Variants in ZNF395 observed in about 807,000 individuals in gnomAD.
ZNF395 encodes the protein zinc finger protein 395.
In ZNF395, 20 loss-of-function variants were observed where a neutral mutation model predicts 57.7. The observed-to-expected ratio is 0.35, with a 90% CI of 0.24 to 0.50. The LOEUF is 0.50. Among genes scored for constraint, ZNF395 ranks in the 20% least tolerant of loss-of-function variants. The pLI is 0.97. For missense variants in ZNF395, 606 were observed against 671.2 expected, an observed-to-expected ratio of 0.90 and a Z score of 1.07; for synonymous variants, 295 against 275.9, an observed-to-expected ratio of 1.07 and a Z score of -0.69.
chr8:28,374,598 G>A (rs528403643), intron 1 of ZNF395, among the ~76,000 whole-genome samples: 2 of 152,250 alleles, frequency 1.3e-5, no homozygotes, highest in South Asian at 4.1e-4. Context: ...GCACATCTGC[G>A]TTTCCAGTCA....
At chr8:28,376,878 C>T (rs927301573) in intron 1 of ZNF395, among the ~76,000 whole-genome samples, 1 of 152,180 alleles carries the variant, frequency 6.6e-6, no homozygotes, top group African/African-American at 2.4e-5. Flanking sequence ...CAGCGCACCC[C>T]AAAATTGCTT....
intron 1 of ZNF395, among the ~76,000 whole-genome samples, chr8:28,378,824 T>C (rs972624713): frequency 6.6e-6 from 1 of 152,236 alleles, no homozygotes; most frequent in Admixed American, 6.5e-5. Context: ...CCTACTTGAA[T>C]ACCGCCAACA....
chr8:28,362,226 G>A (rs1047575072), intron 1 of ZNF395, among the ~76,000 whole-genome samples: 1 of 152,188 alleles, frequency 6.6e-6, no homozygotes, highest in Non-Finnish European at 1.5e-5. Context: ...CAGGCCTCTC[G>A]AAGTGGGTCC....
intron 1 of ZNF395, among the ~76,000 whole-genome samples, chr8:28,379,665 T>C (rs1018153685): frequency 6.6e-6 from 1 of 152,172 alleles, no homozygotes; most frequent in African/African-American, 2.4e-5. Context: ...TGTCTTCCAC[T>C]GTGACTCTAG....
chr8:28,376,640 T>G (rs534270604), intron 1 of ZNF395, among the ~76,000 whole-genome samples: 1 of 149,706 alleles, frequency 6.7e-6, no homozygotes, highest in Admixed American at 6.7e-5. Flanking sequence ...AAAAAAGGCA[T>G]GTTAGCCCAA....
chr8:28,375,261 C>CCTG (rs1436200887), intron 1 of ZNF395: 1 of 152,218 alleles, frequency 6.6e-6, no homozygotes, highest in Non-Finnish European at 1.5e-5. Context: ...GTGGCACCTA[C>CCTG]CTGTGGTCCC....
At chr8:28,365,687 C>T (rs967699801) in intron 1 of ZNF395, among the ~76,000 whole-genome samples, 9 of 152,168 alleles carry the variant, frequency 5.9e-5, no homozygotes, top group Non-Finnish European at 1.2e-4. Context: ...GTTCCTCACT[C>T]CCTACTGCCG....
In ZNF395 at chr8:28,350,083, G is replaced by A. The variant is rs752580599; in HGVS notation, c.1307C>T (p.Ala436Val). The A allele has an allele frequency of 2.5e-5, 40 of 1,604,780 alleles. No individual in the cohort carries two copies. The highest frequency in any genetic ancestry group is 3.4e-5 in the Non-Finnish European group (40 of 1,177,514). The change falls in exon 8 of 10, where the codon GCC becomes GTC. Residue 436 changes from alanine (A) to valine (V), a missense_variant. Coordinates refer to ENST00000344423, the MANE Select transcript of ZNF395 (RefSeq NM_018660.3). ...TSVSWAAAPS[A>V]ACSLSPVRSR... is the part of the protein sequence containing the mutation. ...ACTCACCGGAGAGAGAGAGCAGGCG[G>A]CGGAGGGGGCAGCAGCCCAGCTGAC...
At chr8:28,366,721 C>G (rs945652735) in intron 1 of ZNF395, among the ~76,000 whole-genome samples, 3 of 151,290 alleles carry the variant, frequency 2.0e-5, no homozygotes, top group Non-Finnish European at 4.4e-5. Flanking sequence ...TGAACCTTGG[C>G]AGAAGCAAAC....
chr8:28,386,094 CCGCGGCCCTGCCCGCCCTCCCGG>C (rs1231442918), intron 1 of ZNF395: 2 of 147,232 alleles, frequency 1.4e-5, no homozygotes, highest in Non-Finnish European at 3.0e-5. Flanking sequence ...GCTGCAGCGG[CCGCGGCCCTGCCCGCCCTCCCGG>C]CGCGGCCCGC....
At chr8:28,362,446 G>A (rs376121897) in intron 1 of ZNF395, among the ~76,000 whole-genome samples, 9 of 152,302 alleles carry the variant, frequency 5.9e-5, no homozygotes, top group South Asian at 2.1e-4. Flanking sequence ...CCCAGGTGCC[G>A]TGGGGTCACA....
rs549331897 is a variant in ZNF395, at chr8:28,382,089, G to A, written c.-59+4304C>T. On this transcript the variant is annotated intron_variant, in intron 1 of 9. Transcript: ENST00000344423. ...TTCGAGTCTCTTGAAAACTCAGGTC[G>A]CAAAGCAAAACGCCTACAGGACTAA... 2.2e-4 allele frequency among the ~76,000 whole-genome samples: 34 copies of A among 152,186 alleles called. No homozygotes were observed. The South Asian group carries it at 3.5e-3, about 16-fold the overall frequency.
Position 28,359,252 on chromosome 8 carries a change from A to C in ZNF395, c.473+340T>G, listed in dbSNP as rs1458250741. 6.6e-6 allele frequency among the ~76,000 whole-genome samples: 1 copy of C among 152,106 alleles called. No individual in the cohort carries two copies. The highest frequency in any genetic ancestry group is 1.5e-5 in the Non-Finnish European group (1 of 68,014). Reference sequence around the variant, plus strand: ...CCCATCTCTACCAAAAAATACAAAAATTAGCCAGGCGTGGTGGTGCACGCC... The same window carrying C: ...CCCATCTCTACCAAAAAATACAAAACTTAGCCAGGCGTGGTGGTGCACGCC... On this transcript the variant is annotated intron_variant, in intron 3 of 9. Coordinates refer to ENST00000344423, the MANE Select transcript of ZNF395 (RefSeq NM_018660.3). This position sits in a 1 kb window ranked among gnomAD's most constrained non-coding sequence, Gnocchi z 4.7.
intron 1 of ZNF395, chr8:28,385,999 C>T (rs1452385196): frequency 6.8e-6 from 1 of 147,008 alleles, no homozygotes; most frequent in African/African-American, 2.4e-5. Flanking sequence ...CCCCGCGCAG[C>T]TCACCTCGGC....
rs569676386 is a variant in ZNF395, at chr8:28,359,956, T to C, written c.241-132A>G. ...TGTTCTCTGCCTCACTCATCTTTTA[T>C]TCAAGCAGATGTTCCCAGGTACTCG... On this transcript the variant is annotated intron_variant, in intron 2 of 9. Coordinates refer to ENST00000344423, the MANE Select transcript of ZNF395 (RefSeq NM_018660.3). This position sits in a 1 kb window ranked among gnomAD's most constrained non-coding sequence, Gnocchi z 4.7. 4 of 1,403,500 alleles carry C rather than the reference T, an allele frequency of 2.9e-6. No homozygotes were observed. In the East Asian group the frequency reaches 7.6e-5, roughly 27 times the overall value. The allele number at this position is 1,403,500 out of a possible 1,614,324, so 86.9% of individuals were successfully genotyped here.
intron 1 of ZNF395, among the ~76,000 whole-genome samples, chr8:28,374,079 C>T (rs918606461): frequency 6.6e-6 from 1 of 152,102 alleles, no homozygotes; most frequent in Non-Finnish European, 1.5e-5. Flanking sequence ...GACTGAAGTG[C>T]CCATGAATTA....
intron 1 of ZNF395, among the ~76,000 whole-genome samples, chr8:28,374,268 T>C (rs1273980691): frequency 6.6e-6 from 1 of 152,144 alleles, no homozygotes; most frequent in Admixed American, 6.5e-5. Context: ...CACTTAACTT[T>C]TTGTAAGTCC....
rs79920928 is a variant in ZNF395 at position 28,354,535 on chromosome 8, G to A, written c.584-1127C>T. Among the ~76,000 whole-genome samples, 955 of 152,192 alleles carry A rather than the reference G, an allele frequency of 6.3e-3. 11 individuals are homozygous for A. Among genetic ancestry groups the A allele is most frequent in the African/African-American group, 0.022 (908 of 41,506 alleles). ...GTCCAGACTCCTTCAATGCTAATCA[G>A]GGATCTACCCGGCACAGGCTCCCAT... On this transcript the variant is annotated intron_variant, in intron 4 of 9. Transcript: ENST00000344423.
Position 28,384,144 on chromosome 8 carries a change from C to T in ZNF395, c.-59+2249G>A, listed in dbSNP as rs147663934. ...TCACTGATGTGTCCCCCTAACACAA[C>T]TTTCCAAAACCCTTCCATTACAGTT... On this transcript the variant is annotated intron_variant, in intron 1 of 9. Coordinates refer to ENST00000344423, the MANE Select transcript of ZNF395 (RefSeq NM_018660.3). 2.4e-4 allele frequency among the ~76,000 whole-genome samples: 36 copies of T among 152,330 alleles called. 1 individual carries two copies. In the East Asian group the frequency reaches 5.8e-3, roughly 24 times the overall value.
Sources: gnomAD v4.1 joint callset for allele counts (sites outside exome capture counted in the v4.1 genomes callset) on GRCh38, gnomAD v4.1.1 for gene constraint, Gnocchi (gnomAD v3.1) non-coding constraint, MANE v1.5 for transcripts, NCBI Gene and HGNC (gene_info 2026-07-23, HGNC 2026-07-21) for gene names.